The following YTHDF2 variants were observed in gnomAD, a reference collection of about 807,000 sequenced individuals.
YTHDF2 encodes the protein YTH N6-methyladenosine RNA binding protein F2, also known as YTH domain-containing family protein 2.
Under a neutral mutation model 50.4 loss-of-function variants are expected in YTHDF2, and 2 were observed. That is an observed-to-expected ratio of 0.04 (90% CI 0.02 to 0.12). The LOEUF (loss-of-function observed/expected upper bound fraction) is 0.12, where lower values mean the gene tolerates loss of function less well. YTHDF2 is among the 10% of genes least tolerant of loss of function. The pLI is 1.00. For synonymous variants in YTHDF2, 217 were observed against 255.6 expected (o/e 0.85, Z 1.44); for missense variants, 483 against 722.6 (o/e 0.67, Z 3.80).
chr1:28,765,357 A>G (rs2088200588), intron 4 of YTHDF2, among the ~76,000 whole-genome samples: 1 of 152,042 alleles, frequency 6.6e-6, no homozygotes, highest in Admixed American at 6.6e-5. Flanking sequence ...AGTGCACCTA[A>G]CTTTTTTGCA....
intron 4 of YTHDF2, among the ~76,000 whole-genome samples, chr1:28,762,433 C>T (rs1180650642): frequency 6.6e-6 from 1 of 152,158 alleles, no homozygotes; most frequent in African/African-American, 2.4e-5. Context: ...GAATGACTCC[C>T]GTCTAAGCAT....
At chr1:28,751,274 T>C (rs2087948088) in intron 4 of YTHDF2, among the ~76,000 whole-genome samples, 1 of 151,890 alleles carries the variant, frequency 6.6e-6, no homozygotes, top group African/African-American at 2.4e-5. Context: ...TTCAAGTTTC[T>C]GTGATATAAA....
intron 4 of YTHDF2, among the ~76,000 whole-genome samples, chr1:28,757,313 T>A (rs2088048373): frequency 1.3e-5 from 2 of 152,202 alleles, no homozygotes; most frequent in African/African-American, 4.8e-5. Context: ...ATGGAAGACT[T>A]AATTTGAATT....
At chr1:28,745,650 C>G (rs553092020) in intron 4 of YTHDF2, among the ~76,000 whole-genome samples, 1 of 150,356 alleles carries the variant, frequency 6.7e-6, no homozygotes, top group Admixed American at 6.7e-5. Flanking sequence ...ACTTGAACCC[C>G]GAAGGCAGAG....
At position 28,747,329 on chromosome 1, in the gene YTHDF2, T is replaced by C. The variant is rs12135496; in HGVS notation, c.1716+3343T>C. 1.7e-3 allele frequency among the ~76,000 whole-genome samples: 254 copies of C among 151,910 alleles called. 1 individual carries two copies. The highest frequency in any genetic ancestry group is 7.3e-3 in the South Asian group (35 of 4,804). On this transcript the variant is annotated intron_variant, in intron 4 of 4. Coordinates refer to ENST00000373812, the MANE Select transcript of YTHDF2 (RefSeq NM_016258.3). ...GCTCATGCCTGTAATCCCAGCACTTTGGGAGGCCGAGGCGAGCAGATCACG... is the reference window on the plus strand; with the variant it reads ...GCTCATGCCTGTAATCCCAGCACTTCGGGAGGCCGAGGCGAGCAGATCACG...
intron 4 of YTHDF2, among the ~76,000 whole-genome samples, chr1:28,768,533 G>C (rs1338357250): frequency 1.3e-5 from 2 of 152,146 alleles, no homozygotes; most frequent in East Asian, 3.8e-4. Context: ...CTTGGGACTA[G>C]TTTGGGATTT....
rs1257705849 is a variant in YTHDF2, at chr1:28,769,544, A to G, written c.*592A>G. ...TCAAAGTAAAGTACTAGGAGTCCTA[A>G]GAAATGTTCTGTTCTTGTACATTAT... On this transcript the variant is annotated 3_prime_UTR_variant, in exon 5 of 5. Transcript: ENST00000373812. 1.3e-5 allele frequency: 2 copies of G among 152,686 alleles called. No homozygotes were observed. Among genetic ancestry groups the G allele is most frequent in the East Asian group, 3.8e-4 (2 of 5,204 alleles). The allele number at this position is 152,686 out of a possible 1,614,324, so 9.5% of individuals were successfully genotyped here.
chr1:28,761,231 C>G (rs2088124975), intron 4 of YTHDF2, among the ~76,000 whole-genome samples: 1 of 148,028 alleles, frequency 6.8e-6, no homozygotes, highest in Non-Finnish European at 1.5e-5. Flanking sequence ...ACCTCCTGGG[C>G]TTAAGCATAC....
At chr1:28,744,393 T>A (rs887605785) in intron 4 of YTHDF2, among the ~76,000 whole-genome samples, 1 of 152,176 alleles carries the variant, frequency 6.6e-6, no homozygotes, top group African/African-American at 2.4e-5. Context: ...TTGGCCTAGC[T>A]GGGGTTTTGT....
At chr1:28,740,822 G>A (rs1313697452) in intron 3 of YTHDF2, among the ~76,000 whole-genome samples, 1 of 151,462 alleles carries the variant, frequency 6.6e-6, no homozygotes, top group South Asian at 2.1e-4. Context: ...TCCTGCCTCA[G>A]CCTCCCGAGT....
At chr1:28,745,152 G>A (rs2087839394) in intron 4 of YTHDF2, among the ~76,000 whole-genome samples, 1 of 152,134 alleles carries the variant, frequency 6.6e-6, no homozygotes, top group Non-Finnish European at 1.5e-5. Flanking sequence ...CGTGATCTAG[G>A]ATCTGAGGCA....
At chr1:28,762,844 A>G (rs186762701) in intron 4 of YTHDF2, among the ~76,000 whole-genome samples, 1 of 151,898 alleles carries the variant, frequency 6.6e-6, no homozygotes, top group Admixed American at 6.6e-5. Flanking sequence ...TTTATTTTTA[A>G]TTTTTATTTT....
chr1:28,742,584 T>C lies in YTHDF2; in HGVS notation c.314T>C (p.Phe105Ser). The change falls in exon 4 of 5, where the codon TTT becomes TCT. Residue 105 changes from phenylalanine to serine, a missense_variant. Phe to Ser is a radical substitution (Grantham distance 155). Around this residue, in one of 4 missense-constraint regions of YTHDF2, gnomAD observed 385 missense variants for 475.8 expected, o/e 0.81. Coordinates refer to ENST00000373812, the MANE Select transcript of YTHDF2 (RefSeq NM_016258.3). ...GEPHFLPDAM[F>S]GQPGALGSTP... The stretch of plus-strand genomic sequence containing the variant: ...CCCCACTTCCTACCAGATGCAATGT[T>C]TGGGCAACCAGGAGCCCTAGGTAGC... 2 of 1,614,034 alleles carry C rather than the reference T, an allele frequency of 1.2e-6. No homozygotes were observed. The highest frequency in any genetic ancestry group is 1.1e-5 in the South Asian group (1 of 91,080).
Position 28,737,017 on chromosome 1 carries a change from A to C in YTHDF2, c.-104A>C. On this transcript the variant is annotated 5_prime_UTR_variant, in exon 1 of 5. Transcript: ENST00000373812. ...GCGTCCGCCGAGGCCCCCGAGTGTCAGGGACAAAAGCCTCCGCCTGCTCCC... is the reference window on the plus strand; with the variant it reads ...GCGTCCGCCGAGGCCCCCGAGTGTCCGGGACAAAAGCCTCCGCCTGCTCCC... The C allele has an allele frequency of 6.9e-7, 1 of 1,449,456 alleles. No homozygotes were observed. 89.8% of individuals were successfully genotyped at this position (1,449,456 alleles called of 1,614,324 possible).
intron 4 of YTHDF2, among the ~76,000 whole-genome samples, chr1:28,746,731 G>C (rs951516485): frequency 1.3e-5 from 2 of 152,070 alleles, no homozygotes; most frequent in South Asian, 4.1e-4. Flanking sequence ...CTGCACTCCA[G>C]CCTGGGCGAT....
At chr1:28,768,841 T>C (rs1380548658) in intron 4 of YTHDF2, 88 bp from the exon 5 acceptor site, 1 of 956,044 alleles carries the variant, frequency 1.0e-6, no homozygotes, top group African/African-American at 1.7e-5. Flanking sequence ...TAATTAAATT[T>C]CTGTTGAGTT....
chr1:28,750,152 G>A (rs981396135), intron 4 of YTHDF2, among the ~76,000 whole-genome samples: 2 of 151,464 alleles, frequency 1.3e-5, no homozygotes, highest in African/African-American at 2.4e-5. Context: ...CACCATGCCC[G>A]GCTAATTTTT....
At chr1:28,767,227 A>G (rs2088232497) in intron 4 of YTHDF2, among the ~76,000 whole-genome samples, 2 of 152,196 alleles carry the variant, frequency 1.3e-5, no homozygotes, top group South Asian at 2.1e-4. Flanking sequence ...TTAAAATTGC[A>G]CATTATAAAG....
At chr1:28,747,637 C>G (rs2087884982) in intron 4 of YTHDF2, among the ~76,000 whole-genome samples, 1 of 140,656 alleles carries the variant, frequency 7.1e-6, no homozygotes, top group Admixed American at 7.3e-5. Flanking sequence ...CCAGGATGGT[C>G]TTGATCTCCT....
Sources: gnomAD v4.1 joint callset for allele counts (sites outside exome capture counted in the v4.1 genomes callset) on GRCh38, gnomAD v4.1.1 for gene constraint, gnomAD v4.1.1 regional missense constraint, MANE v1.5 for transcripts, NCBI Gene and HGNC (gene_info 2026-07-23, HGNC 2026-07-21) for gene names.